Variants in SUCLG2 observed in about 807,000 individuals in gnomAD.
The protein encoded by SUCLG2 is succinate-CoA ligase GDP-forming subunit beta.
Under a neutral mutation model 47.9 loss-of-function variants are expected in SUCLG2, and 42 were observed. That is an observed-to-expected ratio of 0.88 (90% CI 0.69 to 1.14). The LOEUF (loss-of-function observed/expected upper bound fraction) is 1.14. SUCLG2 is among the 50% of genes most tolerant of loss of function. SUCLG2 has a pLI of 0.00. For missense variants in SUCLG2, 571 were observed against 525.9 expected (o/e 1.09, Z -0.84); for synonymous variants, 195 against 197.3 (o/e 0.99, Z 0.10).
At chr3:67,561,498 C>A (rs1260609017) in intron 2 of SUCLG2, among the ~76,000 whole-genome samples, 1 of 152,142 alleles carries the variant, frequency 6.6e-6, no homozygotes, top group Non-Finnish European at 1.5e-5. Flanking sequence ...AGCTTAGCAA[C>A]AGCAGCCCCC....
intron 9 of SUCLG2, among the ~76,000 whole-genome samples, chr3:67,430,721 G>A (rs1238492223): frequency 6.6e-6 from 1 of 151,854 alleles, no homozygotes; most frequent in Admixed American, 6.6e-5. Context: ...TAATCAAGAA[G>A]AAAAGAGAGA....
At chr3:67,459,831 T>C (rs1704282287) in intron 9 of SUCLG2, among the ~76,000 whole-genome samples, 1 of 152,190 alleles carries the variant, frequency 6.6e-6, no homozygotes, top group Non-Finnish European at 1.5e-5. Flanking sequence ...TTGTCTCCTC[T>C]ACCATGCAAT....
At chr3:67,530,739 G>A (rs561888570) in intron 2 of SUCLG2, among the ~76,000 whole-genome samples, 1 of 152,272 alleles carries the variant, frequency 6.6e-6, no homozygotes, top group South Asian at 2.1e-4. Context: ...TTCTTAGAAG[G>A]CTGTCCTGTG....
chr3:67,442,076 T>C (rs1420171743), intron 9 of SUCLG2, among the ~76,000 whole-genome samples: 2 of 146,122 alleles, frequency 1.4e-5, no homozygotes, highest in Non-Finnish European at 3.0e-5. Context: ...AGTGGCGGGA[T>C]CTCAGCTCAC....
At chr3:67,545,395 T>G (rs1228313817) in intron 2 of SUCLG2, among the ~76,000 whole-genome samples, 1 of 152,232 alleles carries the variant, frequency 6.6e-6, no homozygotes, top group African/African-American at 2.4e-5. Context: ...CACTTTCCCA[T>G]GATACACACA....
intron 9 of SUCLG2, among the ~76,000 whole-genome samples, chr3:67,429,431 C>A (rs540775251): frequency 6.6e-6 from 1 of 152,160 alleles, no homozygotes; most frequent in Non-Finnish European, 1.5e-5. Flanking sequence ...GCCTGTCTTA[C>A]AAGAGCTCCT....
intron 6 of SUCLG2, among the ~76,000 whole-genome samples, chr3:67,516,034 C>A (rs895251097): frequency 2.0e-5 from 3 of 152,060 alleles, no homozygotes; most frequent in Non-Finnish European, 4.4e-5. Context: ...AGGCAGATAT[C>A]TACCGGTCTG....
At chr3:67,550,537 G>A (rs950051522) in intron 2 of SUCLG2, among the ~76,000 whole-genome samples, 5 of 151,980 alleles carry the variant, frequency 3.3e-5, no homozygotes, top group African/African-American at 1.2e-4. Flanking sequence ...TATAGAGATG[G>A]GGTTTTGCCA....
At position 67,626,548 on chromosome 3, in the gene SUCLG2, T is replaced by C. The variant is rs564283474; in HGVS notation, c.85-16952A>G. On this transcript the variant is annotated intron_variant, in intron 1 of 10. Coordinates refer to ENST00000307227, the MANE Select transcript of SUCLG2 (RefSeq NM_003848.4). ...GATGAAACAACACAGACCAACATCA[T>C]GAAAGAGAAACAAATAGAAGAACTA... 5.3e-5 allele frequency among the ~76,000 whole-genome samples: 8 copies of C among 151,900 alleles called. No homozygotes were observed. The South Asian group carries it at 1.3e-3, about 24-fold the overall frequency.
Position 67,363,290 on chromosome 3 carries a change from A to G in SUCLG2, c.1184-2522T>C, listed in dbSNP as rs888644066. 5.9e-5 allele frequency among the ~76,000 whole-genome samples: 9 copies of G among 152,372 alleles called. 1 individual carries two copies. The highest frequency in any genetic ancestry group is 2.6e-4 in the Admixed American group (4 of 15,306). ...TTTGGGGGTTGGTTAGAACCTCCAT[A>G]GTTATTAAAGCAAAGTTTTATTCAT... On this transcript the variant is annotated intron_variant, in intron 10 of 10. Coordinates refer to the SUCLG2 transcript ENST00000493112.
chr3:67,564,674 T>C (rs1707404980), intron 2 of SUCLG2, among the ~76,000 whole-genome samples: 1 of 152,220 alleles, frequency 6.6e-6, no homozygotes, highest in Admixed American at 6.5e-5. Context: ...ATTTGAAAAC[T>C]TTCTTAAAAC....
Position 67,475,721 on chromosome 3 carries a change from T to TCCC in SUCLG2, c.1062+20076_1062+20077insGGG, listed in dbSNP as rs1575721627. ...CATAATTGATTTTCCTTCCCCTCCT[T>TCCC]TTTTTTTTTTGAGAGCGAGATGGAG... On this transcript the variant is annotated intron_variant, in intron 9 of 10. Transcript: ENST00000307227. Among the ~76,000 whole-genome samples, 8 of 137,728 alleles carry TCCC rather than the reference T, an allele frequency of 5.8e-5. No homozygotes were observed. The East Asian group carries it at 1.1e-3, about 19-fold the overall frequency. 90.4% of individuals were successfully genotyped at this position (137,728 alleles called of 152,430 possible). A position where few individuals can be genotyped will look rare whatever the true frequency, so the allele number is the denominator to read the frequency against.
chr3:67,391,237 C>T (rs748573266), intron 10 of SUCLG2, among the ~76,000 whole-genome samples: 8 of 152,138 alleles, frequency 5.3e-5, no homozygotes, highest in African/African-American at 7.2e-5. Flanking sequence ...CTGTGTCTTT[C>T]GCTTTCTTGA....
intron 9 of SUCLG2, among the ~76,000 whole-genome samples, chr3:67,421,450 C>A (rs916562158): frequency 2.0e-5 from 3 of 152,204 alleles, no homozygotes; most frequent in Non-Finnish European, 4.4e-5. Flanking sequence ...TTCTAGTCTT[C>A]GCTCTGCCCT....
chr3:67,418,389 T>C (rs144769218), intron 9 of SUCLG2, among the ~76,000 whole-genome samples: 1 of 152,268 alleles, frequency 6.6e-6, no homozygotes, highest in Non-Finnish European at 1.5e-5. Context: ...AAACTGAGGC[T>C]CAGAAAGCTG....
Position 67,528,210 on chromosome 3 carries a change from CACA to C in SUCLG2, c.336_338del (p.Val113del), listed in dbSNP as rs1434648858. On this transcript the variant is annotated inframe_deletion, in exon 4 of 11. Coordinates refer to ENST00000307227, the MANE Select transcript of SUCLG2 (RefSeq NM_003848.4). ...CAATCATCTGTTTAGCCAGCTGTCC[CACA>C]ACATTAGGGCTAAGAGAAAGAGAAA... The C allele has an allele frequency of 6.2e-7, 1 of 1,613,734 alleles. No individual in the cohort carries two copies. Among genetic ancestry groups the C allele is most frequent in the Admixed American group, 1.7e-5 (1 of 59,964 alleles).
intron 2 of SUCLG2, among the ~76,000 whole-genome samples, chr3:67,554,423 T>A (rs1707102267): frequency 6.6e-6 from 1 of 152,206 alleles, no homozygotes; most frequent in African/African-American, 2.4e-5. Flanking sequence ...CTGTAATTCT[T>A]ACAAACTTCT....
chr3:67,392,533 G>C (rs1702413444), intron 10 of SUCLG2, among the ~76,000 whole-genome samples: 1 of 152,080 alleles, frequency 6.6e-6, no homozygotes, highest in African/African-American at 2.4e-5. Context: ...TTGGCCCTTT[G>C]GGTTTTCATT....
chr3:67,508,917 A>C lies in SUCLG2; in HGVS notation c.661-14T>G. 1 of 1,572,396 alleles carries C rather than the reference A, an allele frequency of 6.4e-7. No homozygotes were observed. The highest frequency in any genetic ancestry group is 8.6e-7 in the Non-Finnish European group (1 of 1,158,476). On this transcript the variant is annotated splice_polypyrimidine_tract_variant and intron_variant, in intron 6 of 10. Coordinates refer to ENST00000307227, the MANE Select transcript of SUCLG2 (RefSeq NM_003848.4). ...TTGATCTGCAGCCTAAATGTGATCA[A>C]GTGAAATAGAATTACACCAAAGCAG...
Sources: allele counts gnomAD v4.1 joint callset (sites outside exome capture counted in the v4.1 genomes callset), GRCh38; gene constraint gnomAD v4.1.1; transcripts MANE v1.5; gene names NCBI Gene and HGNC (gene_info 2026-07-23, HGNC 2026-07-21).